DCAF6: variants seen among roughly 807,000 people sequenced by gnomAD.
The protein encoded by DCAF6 is DDB1- and CUL4-associated factor 6.
DCAF6 carries 54 observed loss-of-function variants against 125.1 expected under a neutral mutation model. The ratio of observed to expected loss-of-function variants is 0.43; its 90% CI spans 0.35 to 0.54. The LOEUF is 0.54. DCAF6 is among the 20% of genes least tolerant of loss of function. The pLI is 0.01. For synonymous variants in DCAF6, 371 were observed against 390.4 expected, an observed-to-expected ratio of 0.95 and a Z score of 0.58; for missense variants, 934 against 1,161.7, an observed-to-expected ratio of 0.80 and a Z score of 2.85.
intron 17 of DCAF6, among the ~76,000 whole-genome samples, chr1:168,054,702 TAATC>T (rs1284470920): frequency 2.0e-5 from 3 of 152,210 alleles, no homozygotes; most frequent in Non-Finnish European, 4.4e-5. Context: ...CCTGTCTGAA[TAATC>T]ACAGATTGCA....
intron 8 of DCAF6, 78 bp from the exon 9 acceptor site, chr1:168,003,792 C>T: frequency 7.5e-7 from 1 of 1,329,418 alleles, no homozygotes. Flanking sequence ...TTTTAAAGCC[C>T]TTCAAATCTA....
chr1:167,925,521 T>G, the DCAF6 span, among the ~76,000 whole-genome samples: 4 of 121,000 alleles, frequency 3.3e-5, no homozygotes, highest in Non-Finnish European at 6.9e-5. Flanking sequence ...ACAAACAACG[T>G]TTTTTTTTTT....
intron 13 of DCAF6, among the ~76,000 whole-genome samples, chr1:168,041,118 G>C (rs748815679): frequency 1.8e-4 from 27 of 151,904 alleles, no homozygotes; most frequent in Admixed American, 4.6e-4. Context: ...CATAGGTTTA[G>C]TATGAAGATT....
intron 21 of DCAF6, among the ~76,000 whole-genome samples, chr1:168,071,125 C>T (rs1294827854): frequency 1.3e-5 from 2 of 152,208 alleles, no homozygotes; most frequent in Non-Finnish European, 2.9e-5. Flanking sequence ...TTCTACTTCT[C>T]TTGTCCTCAT....
the DCAF6 span, among the ~76,000 whole-genome samples, chr1:167,926,873 G>C: frequency 1.3e-5 from 2 of 152,110 alleles, no homozygotes; most frequent in East Asian, 1.9e-4. Flanking sequence ...CTCATCTCAG[G>C]TTGCATCTCC....
intron 1 of DCAF6, among the ~76,000 whole-genome samples, chr1:167,944,243 A>G (rs1047405863): frequency 2.6e-5 from 4 of 152,184 alleles, no homozygotes. Context: ...TTGATTCCAT[A>G]TCTTTGCTGT....
upstream of DCAF6, chr1:167,935,878 T>C (rs1256467915): frequency 8.1e-6 from 12 of 1,479,954 alleles, no homozygotes; most frequent in Non-Finnish European, 1.0e-5. Flanking sequence ...GGTGGGAGCG[T>C]GGCTGTGTTC....
At chr1:167,916,638 T>A in the DCAF6 span, 1 of 152,218 alleles carries the variant, frequency 6.6e-6, no homozygotes, top group South Asian at 2.1e-4. Flanking sequence ...TATGATTGTA[T>A]CTAAATGCTA....
intron 2 of DCAF6, among the ~76,000 whole-genome samples, chr1:167,963,563 C>G (rs1248590045): frequency 6.8e-6 from 1 of 146,410 alleles, no homozygotes; most frequent in Non-Finnish European, 1.5e-5. Flanking sequence ...GCCTCAGCCT[C>G]CTGAGTAGCT....
the DCAF6 span, among the ~76,000 whole-genome samples, chr1:167,910,119 G>A: frequency 2.0e-5 from 3 of 152,180 alleles, no homozygotes; most frequent in Non-Finnish European, 4.4e-5. Context: ...GCTCCCAGCC[G>A]AATAAAGCCT....
chr1:167,893,977 G>T, the DCAF6 span: 2 of 1,528,534 alleles, frequency 1.3e-6, no homozygotes, highest in Admixed American at 1.7e-5. Context: ...GCTCAGAGAG[G>T]GAAGTTTGGC....
chr1:167,906,134 G>A, the DCAF6 span, among the ~76,000 whole-genome samples: 14 of 152,040 alleles, frequency 9.2e-5, no homozygotes, highest in African/African-American at 3.1e-4. Flanking sequence ...TGAGACAGTC[G>A]CTTATATCCC....
At chr1:167,904,117 T>C in the DCAF6 span, 2 of 603,996 alleles carry the variant, frequency 3.3e-6, no homozygotes, top group Non-Finnish European at 5.8e-6. Context: ...AGACAGAGTC[T>C]TGCTTTGTAG....
chr1:167,920,513 T>C, the DCAF6 span: 1 of 1,600,616 alleles, frequency 6.2e-7, no homozygotes, highest in African/African-American at 1.3e-5. Context: ...ATTTATGTTC[T>C]ACAAGAAACA....
At chr1:167,913,152 A>C in the DCAF6 span, among the ~76,000 whole-genome samples, 1 of 152,196 alleles carries the variant, frequency 6.6e-6, no homozygotes, top group South Asian at 2.1e-4. Flanking sequence ...CAAAGCGCGG[A>C]AGCACCTTGG....
chr1:168,029,237 T>A (rs1056925731), intron 12 of DCAF6, among the ~76,000 whole-genome samples: 1 of 152,256 alleles, frequency 6.6e-6, no homozygotes, highest in African/African-American at 2.4e-5. Context: ...TTTTTGTGAC[T>A]AGCACTGTGT....
chr1:167,890,262 A>G, the DCAF6 span, among the ~76,000 whole-genome samples: 1 of 152,232 alleles, frequency 6.6e-6, no homozygotes, highest in African/African-American at 2.4e-5. Context: ...TATCTATATT[A>G]CAGAGCACCG....
chr1:167,898,676 A>T, the DCAF6 span, among the ~76,000 whole-genome samples: 2 of 151,850 alleles, frequency 1.3e-5, no homozygotes, highest in Admixed American at 1.3e-4. Flanking sequence ...TGCAGGCTGG[A>T]TATGTCTTGC....
the DCAF6 span, chr1:167,904,833 A>G: frequency 5.0e-4 from 458 of 907,128 alleles, 2 homozygotes; most frequent in African/African-American, 5.9e-3. Context: ...CCAGGGCCAC[A>G]AGCTATTTCC....
Sources: allele counts gnomAD v4.1 joint callset (sites outside exome capture counted in the v4.1 genomes callset), GRCh38; gene constraint gnomAD v4.1.1; transcripts MANE v1.5; gene names NCBI Gene and HGNC (gene_info 2026-07-23, HGNC 2026-07-21).